The following KLHL29 variants were observed in gnomAD, a reference collection of about 807,000 sequenced individuals.
KLHL29 encodes kelch like family member 29, also known as kelch-like protein 29.
KLHL29 carries 21 observed loss-of-function variants against 80.4 expected under a neutral mutation model. The ratio of observed to expected loss-of-function variants is 0.26; its 90% CI spans 0.19 to 0.38. The LOEUF (loss-of-function observed/expected upper bound fraction) is 0.38. Among genes scored for constraint, KLHL29 ranks in the 10% least tolerant of loss-of-function variants. The pLI, the probability that KLHL29 is intolerant of heterozygous loss-of-function variation, is 1.00. For missense variants in KLHL29, 867 were observed against 1,223.9 expected (o/e 0.71, Z 4.35); for synonymous variants, 511 against 526.8 (o/e 0.97, Z 0.41).
At chr2:23,397,612 C>A (rs569592446) in intron 1 of KLHL29, among the ~76,000 whole-genome samples, 247 of 152,334 alleles carry the variant, frequency 1.6e-3, no homozygotes, top group Non-Finnish European at 2.5e-3. Context: ...GCCCATCAGG[C>A]CCTTATTCCT....
At chr2:23,456,172 C>G (rs527683223) in intron 1 of KLHL29, among the ~76,000 whole-genome samples, 4 of 152,312 alleles carry the variant, frequency 2.6e-5, no homozygotes, top group African/African-American at 9.6e-5. Flanking sequence ...ATGCAACCAC[C>G]AAGCCTGTTG....
Position 23,642,624 on chromosome 2 carries a change from G to A in KLHL29, c.714G>A (p.Leu238=), listed in dbSNP as rs949228333. The part of the protein sequence containing the change: ...ASPQPLAVST[L]PGVGQVARPG... The stretch of plus-strand genomic sequence containing the variant: ...CTCAGCCCCTGGCCGTGTCCACACT[G>A]CCCGGTGTGGGGCAGGTGGCCCGCC... The change falls in exon 5 of 14, where the codon CTG becomes CTA. Residue 238 remains leucine (L), a synonymous_variant. Transcript: ENST00000486442. 5 of 1,549,574 alleles carry A rather than the reference G, an allele frequency of 3.2e-6. No homozygotes were observed. The African/African-American group carries it at 6.8e-5, about 21-fold the overall frequency.
At chr2:23,577,739 A>G (rs1353284438) in intron 3 of KLHL29, among the ~76,000 whole-genome samples, 1 of 151,042 alleles carries the variant, frequency 6.6e-6, no homozygotes, top group African/African-American at 2.4e-5. Context: ...CTAGAGCGAA[A>G]CTTCATCTCA....
At chr2:23,524,314 G>T in intron 2 of KLHL29, 1 of 200,016 alleles carries the variant, frequency 5.0e-6, no homozygotes, top group Non-Finnish European at 1.1e-5. Flanking sequence ...CGCCTGCTGG[G>T]CCGGCCTTGG....
chr2:23,421,737 TATGTGTGTGTGTTC>T (rs1202285943), intron 1 of KLHL29, among the ~76,000 whole-genome samples: 4 of 143,130 alleles, frequency 2.8e-5, no homozygotes, highest in Admixed American at 6.7e-5. Flanking sequence ...GTGTTGTGTG[TATGTGTGTGTGTTC>T]ATGTGTGTGT....
At chr2:23,648,039 G>T (rs1669985980) in intron 5 of KLHL29, among the ~76,000 whole-genome samples, 1 of 152,024 alleles carries the variant, frequency 6.6e-6, no homozygotes, top group Non-Finnish European at 1.5e-5. Flanking sequence ...ATGAAAGCAG[G>T]TCAGTGCTCA....
intron 3 of KLHL29, among the ~76,000 whole-genome samples, chr2:23,563,250 G>A (rs1044756011): frequency 2.0e-5 from 3 of 152,258 alleles, no homozygotes; most frequent in African/African-American, 7.2e-5. Context: ...CTCTTGCTTG[G>A]CCTTGGGCTG....
chr2:23,477,399 A>T (rs189446141), intron 2 of KLHL29, among the ~76,000 whole-genome samples: 1 of 152,368 alleles, frequency 6.6e-6, no homozygotes, highest in African/African-American at 2.4e-5. Context: ...AGGAGAAAAT[A>T]TGGCTTTGGA....
rs1035001104 is a variant in KLHL29 at position 23,681,384 on chromosome 2, G to A, written c.941-3015G>A. Among the ~76,000 whole-genome samples the A allele has an allele frequency of 3.2e-4, 48 of 152,332 alleles. No homozygotes were observed. The highest frequency in any genetic ancestry group is 1.2e-3 in the African/African-American group (48 of 41,586). On this transcript the variant is annotated intron_variant, in intron 5 of 13. Coordinates refer to ENST00000486442, the MANE Select transcript of KLHL29 (RefSeq NM_052920.2). The surrounding 1 kb of genome is among the most constrained non-coding windows in gnomAD (Gnocchi z 4.2). Reference sequence around the variant, plus strand: ...AACCTCCAAGCGCCTTCCAGGTCTAGCTCCAGAATTCCTGGAGCAGAAGGT... The same window carrying A: ...AACCTCCAAGCGCCTTCCAGGTCTAACTCCAGAATTCCTGGAGCAGAAGGT...
At chr2:23,485,578 C>G (rs1367398581) in intron 2 of KLHL29, among the ~76,000 whole-genome samples, 1 of 152,186 alleles carries the variant, frequency 6.6e-6, no homozygotes, top group Non-Finnish European at 1.5e-5. Context: ...TTGCTAGAAC[C>G]CAGGCTCTCA....
rs1438022254 is a variant in KLHL29, at chr2:23,567,755, G to A, written c.285+5274G>A. Among the ~76,000 whole-genome samples the A allele has an allele frequency of 2.0e-5, 3 of 152,162 alleles. No individual in the cohort carries two copies. The East Asian group carries it at 5.8e-4, about 29-fold the overall frequency. On this transcript the variant is annotated intron_variant, in intron 3 of 13. Transcript: ENST00000486442. ...TCCTCTTGTATTCACATTGAAAATC[G>A]AAGGCTGCCTTGCCGAGTGGGCTCA...
chr2:23,408,855 C>G (rs1382367238), intron 1 of KLHL29, among the ~76,000 whole-genome samples: 2 of 152,178 alleles, frequency 1.3e-5, no homozygotes, highest in African/African-American at 4.8e-5. Flanking sequence ...CTGGTAGCAT[C>G]ATGTATTTGG....
intron 3 of KLHL29, among the ~76,000 whole-genome samples, chr2:23,595,860 G>GAGCTCCCCACGCAAGCAGCAT: frequency 6.6e-6 from 1 of 152,270 alleles, no homozygotes; most frequent in East Asian, 1.9e-4. Flanking sequence ...AGTGAATTGT[G>GAGCTCCCCACGCAAGCAGCAT]AGCTCCCCAC....
chr2:23,559,436 GGGCA>G (rs974606536), intron 2 of KLHL29, among the ~76,000 whole-genome samples: 4 of 152,214 alleles, frequency 2.6e-5, no homozygotes, highest in South Asian at 2.1e-4. Flanking sequence ...GACTGGGGGC[GGGCA>G]GGCAGGCAGG....
intron 3 of KLHL29, among the ~76,000 whole-genome samples, chr2:23,583,883 T>A (rs1668047526): frequency 6.6e-6 from 1 of 152,258 alleles, no homozygotes; most frequent in Non-Finnish European, 1.5e-5. Context: ...TGCTGCCATC[T>A]CTGCTCCTCT....
chr2:23,691,561 T>TA, intron 6 of KLHL29, 113 bp from the exon 7 acceptor site: 1 of 807,216 alleles, frequency 1.2e-6, no homozygotes, highest in Non-Finnish European at 2.0e-6. Context: ...CCGTGTCCTT[T>TA]GAGCCCTAAA....
At chr2:23,654,398 C>T (rs2149165470) in intron 5 of KLHL29, among the ~76,000 whole-genome samples, 1 of 152,284 alleles carries the variant, frequency 6.6e-6, no homozygotes, top group South Asian at 2.1e-4. Flanking sequence ...TCTGAAGGCT[C>T]CTAATCCATC....
rs1672774389 is a variant in KLHL29, at chr2:23,707,085, T to C, written c.*421T>C. The C allele has an allele frequency of 1.9e-5, 3 of 154,218 alleles. No homozygotes were observed. The highest frequency in any genetic ancestry group is 4.3e-5 in the Non-Finnish European group (3 of 69,452). 9.6% of individuals were successfully genotyped at this position (154,218 alleles called of 1,614,324 possible). A position where few individuals can be genotyped will look rare whatever the true frequency, so the allele number is the denominator to read the frequency against. On this transcript the variant is annotated 3_prime_UTR_variant, in exon 14 of 14. Transcript: ENST00000486442. The stretch of plus-strand genomic sequence containing the variant: ...TTGGAATAAGATCAAAGTGTCCTTA[T>C]CACTTTGATTCCTACTTTTGTTTTT...
At chr2:23,398,257 T>TA (rs1666502020) in intron 1 of KLHL29, among the ~76,000 whole-genome samples, 1 of 152,172 alleles carries the variant, frequency 6.6e-6, no homozygotes, top group South Asian at 2.1e-4. Flanking sequence ...ACTAGATACA[T>TA]ACAATGGAAG....
Sources: gnomAD v4.1 joint callset for allele counts (sites outside exome capture counted in the v4.1 genomes callset) on GRCh38, gnomAD v4.1.1 for gene constraint, Gnocchi (gnomAD v3.1) non-coding constraint, MANE v1.5 for transcripts, NCBI Gene and HGNC (gene_info 2026-07-23, HGNC 2026-07-21) for gene names.